Variants in SRBD1 observed in about 807,000 individuals in gnomAD.
SRBD1 encodes S1 RNA-binding domain-containing protein 1.
Under a neutral mutation model 115.3 loss-of-function variants are expected in SRBD1, and 88 were observed. The ratio of observed to expected loss-of-function variants is 0.76; its 90% confidence interval spans 0.64 to 0.91. The LOEUF (loss-of-function observed/expected upper bound fraction) is 0.91. Ranked by LOEUF, SRBD1 falls within the 40% of genes least tolerant of loss-of-function variation. The pLI is 0.00. For synonymous variants in SRBD1, 509 were observed against 407.7 expected, an observed-to-expected ratio of 1.25 and a Z score of -2.99; for missense variants, 1,385 against 1,177.4, an observed-to-expected ratio of 1.18 and a Z score of -2.58.
chr2:45,488,140 A>C, intron 15 of SRBD1, 100 bp downstream of exon 15: 1 of 976,456 alleles, frequency 1.0e-6, no homozygotes. Flanking sequence ...ATGTAGTATA[A>C]CTTTTAAATT....
chr2:45,467,624 A>G (rs1386044589), intron 16 of SRBD1, among the ~76,000 whole-genome samples: 1 of 152,182 alleles, frequency 6.6e-6, no homozygotes, highest in Non-Finnish European at 1.5e-5. Context: ...CATTTATGAG[A>G]TAAGATATTT....
chr2:45,597,898 T>C (rs113286753), intron 4 of SRBD1, among the ~76,000 whole-genome samples: 10 of 152,298 alleles, frequency 6.6e-5, no homozygotes, highest in African/African-American at 2.4e-4. Context: ...GAATAACTTA[T>C]TACCAAGTCT....
At chr2:45,536,923 A>G (rs1200796272) in intron 14 of SRBD1, among the ~76,000 whole-genome samples, 1 of 152,252 alleles carries the variant, frequency 6.6e-6, no homozygotes, top group Non-Finnish European at 1.5e-5. Context: ...TTTTATGATC[A>G]ACCATAAGAA....
At chr2:45,492,868 T>G (rs1280049484) in intron 14 of SRBD1, among the ~76,000 whole-genome samples, 1 of 152,260 alleles carries the variant, frequency 6.6e-6, no homozygotes, top group Non-Finnish European at 1.5e-5. Context: ...TTTTTCTGAT[T>G]TTAAAATAAA....
chr2:45,530,016 G>T (rs1671564798), intron 14 of SRBD1, among the ~76,000 whole-genome samples: 1 of 151,968 alleles, frequency 6.6e-6, no homozygotes, highest in African/African-American at 2.4e-5. Flanking sequence ...CAGCAGCATG[G>T]TTTAAACAAT....
rs183302105 is a variant in SRBD1, at chr2:45,423,479, G to C, written c.2050-3585C>G. Reference sequence around the variant, plus strand: ...GAATAAAAAATGGACAAATTACTAAGAACACCAACATTGCCAAAACTGACT... The same window carrying C: ...GAATAAAAAATGGACAAATTACTAACAACACCAACATTGCCAAAACTGACT... On this transcript the variant is annotated intron_variant, in intron 16 of 20. Transcript: ENST00000263736. Among the ~76,000 whole-genome samples the C allele has an allele frequency of 3.8e-3, 581 of 152,018 alleles. 2 individuals carry two copies. The highest frequency in any genetic ancestry group is 6.2e-3 in the Non-Finnish European group (421 of 67,938).
intron 14 of SRBD1, among the ~76,000 whole-genome samples, chr2:45,512,810 G>T (rs907812953): frequency 6.6e-6 from 1 of 152,086 alleles, no homozygotes; most frequent in African/African-American, 2.4e-5. Flanking sequence ...TGGAATTTGT[G>T]TAAGTGAATA....
chr2:45,599,918 CA>C (rs1674039716), intron 3 of SRBD1, 83 bp from the exon 4 acceptor site: 1 of 1,400,684 alleles, frequency 7.1e-7, no homozygotes, highest in Non-Finnish European at 9.5e-7. Context: ...TAAAAGTGAA[CA>C]AATTATTGAT....
intron 14 of SRBD1, among the ~76,000 whole-genome samples, chr2:45,503,261 T>C (rs1364698603): frequency 6.6e-6 from 1 of 152,116 alleles, no homozygotes; most frequent in African/African-American, 2.4e-5. Context: ...AATAAATAAA[T>C]TTATTTTCAT....
chr2:45,562,225 TG>T (rs1672687771), intron 10 of SRBD1, among the ~76,000 whole-genome samples: 1 of 152,128 alleles, frequency 6.6e-6, no homozygotes. Flanking sequence ...GTGGGTTTTT[TG>T]TTTGTTTGTT....
At chr2:45,447,627 T>C (rs1668865640) in intron 16 of SRBD1, 1 of 152,128 alleles carries the variant, frequency 6.6e-6, no homozygotes, top group African/African-American at 2.4e-5. Context: ...TTTGCCAAAA[T>C]AGAACCAAAA....
intron 6 of SRBD1, among the ~76,000 whole-genome samples, 163 bp from the exon 7 acceptor site, chr2:45,580,176 C>A (rs184697193): frequency 6.6e-6 from 1 of 152,280 alleles, no homozygotes; most frequent in East Asian, 1.9e-4. Flanking sequence ...AAATGCTTTA[C>A]TGTATGAAGA....
At chr2:45,434,681 A>C (rs1162080618) in intron 16 of SRBD1, among the ~76,000 whole-genome samples, 1 of 152,088 alleles carries the variant, frequency 6.6e-6, no homozygotes. Context: ...AGTTGACTTA[A>C]ACTTTTGGCC....
At chr2:45,433,373 C>T (rs1246974919) in intron 16 of SRBD1, among the ~76,000 whole-genome samples, 2 of 151,926 alleles carry the variant, frequency 1.3e-5, no homozygotes, top group East Asian at 1.9e-4. Flanking sequence ...AAACGTCATG[C>T]TGTATGTGAC....
intron 14 of SRBD1, among the ~76,000 whole-genome samples, chr2:45,528,502 A>C (rs1572737660): frequency 6.6e-6 from 1 of 151,844 alleles, no homozygotes; most frequent in East Asian, 1.9e-4. Context: ...AATTTAAAAA[A>C]CACATAAAAA....
At chr2:45,448,940 C>T (rs529146286) in intron 16 of SRBD1, among the ~76,000 whole-genome samples, 2 of 152,256 alleles carry the variant, frequency 1.3e-5, no homozygotes, top group African/African-American at 2.4e-5. Context: ...TTAACTTTTA[C>T]GGATATTTCC....
chr2:45,588,405 C>A (rs1673613867), intron 4 of SRBD1, among the ~76,000 whole-genome samples: 1 of 152,174 alleles, frequency 6.6e-6, no homozygotes, highest in African/African-American at 2.4e-5. Context: ...TTTAGAAATA[C>A]TCCTGTTGCT....
intron 16 of SRBD1, among the ~76,000 whole-genome samples, chr2:45,430,879 T>C (rs1247130492): frequency 6.6e-6 from 1 of 151,924 alleles, no homozygotes; most frequent in East Asian, 1.9e-4. Context: ...GGGAGAAAAA[T>C]TTTGCAATCT....
intron 4 of SRBD1, among the ~76,000 whole-genome samples, chr2:45,598,135 A>C (rs1262367170): frequency 6.6e-6 from 1 of 152,248 alleles, no homozygotes. Context: ...CATGGACCAC[A>C]CTTTAAAACA....
Sources: allele counts gnomAD v4.1 joint callset (sites outside exome capture counted in the v4.1 genomes callset), GRCh38; gene constraint gnomAD v4.1.1; transcripts MANE v1.5; gene names NCBI Gene and HGNC (gene_info 2026-07-23, HGNC 2026-07-21).